The following ZFHX3 variants were observed in gnomAD, a reference collection of about 807,000 sequenced individuals.
The protein encoded by ZFHX3 is zinc finger homeobox 3, also known as zinc finger homeobox protein 3.
Under a neutral mutation model 279.1 loss-of-function variants are expected in ZFHX3, and 42 were observed. That is an observed-to-expected ratio of 0.15 (90% CI 0.12 to 0.19). The LOEUF (loss-of-function observed/expected upper bound fraction) is 0.19. ZFHX3 is among the 10% of genes least tolerant of loss of function. The probability of loss-of-function intolerance (pLI) is 1.00; values close to 1 mark genes in which losing one functional copy is unlikely to be tolerated. For synonymous variants in ZFHX3, 2,293 were observed against 1,957.8 expected (o/e 1.17, Z -4.52); for missense variants, 4,981 against 4,754.0 (o/e 1.05, Z -1.40).
chr16:73,880,764 A>G (rs1210477133), intron 1 of ZFHX3, among the ~76,000 whole-genome samples: 1 of 152,152 alleles, frequency 6.6e-6, no homozygotes, highest in Non-Finnish European at 1.5e-5. Flanking sequence ...TGCCTGGTCT[A>G]TTTATTTCTG....
intron 1 of ZFHX3, among the ~76,000 whole-genome samples, chr16:73,016,347 G>A (rs1964102904): frequency 6.6e-6 from 1 of 152,036 alleles, no homozygotes; most frequent in African/African-American, 2.4e-5. Context: ...TAGCACACAT[G>A]TACAAGGCGC....
At chr16:72,845,642 C>A (rs996317492) in intron 4 of ZFHX3, among the ~76,000 whole-genome samples, 1 of 152,128 alleles carries the variant, frequency 6.6e-6, no homozygotes, top group Non-Finnish European at 1.5e-5. Flanking sequence ...ATGTTCTGAC[C>A]GCAAAGCATC....
chr16:73,589,865 A>G (rs527587216), intron 2 of ZFHX3, among the ~76,000 whole-genome samples: 3 of 152,192 alleles, frequency 2.0e-5, no homozygotes, highest in Non-Finnish European at 4.4e-5. Context: ...ACTGAAAGTA[A>G]AATGAAACAA....
chr16:73,290,015 CCACACACACACACACACA>C (rs10564390), intron 4 of ZFHX3, among the ~76,000 whole-genome samples: 2 of 144,314 alleles, frequency 1.4e-5, no homozygotes, highest in South Asian at 2.3e-4. Context: ...AGAGAAATAA[CCACACACACACACACACA>C]CACACACACA....
intron 2 of ZFHX3, among the ~76,000 whole-genome samples, chr16:73,600,157 C>G (rs2052096602): frequency 6.6e-6 from 1 of 152,114 alleles, no homozygotes; most frequent in Non-Finnish European, 1.5e-5. Context: ...AAGTAACCTC[C>G]AAATCTGGAT....
chr16:73,731,791 G>T (rs926634234), intron 1 of ZFHX3, among the ~76,000 whole-genome samples: 3 of 152,054 alleles, frequency 2.0e-5, no homozygotes, highest in Admixed American at 6.6e-5. Context: ...CAGTAAGCAG[G>T]CATCATTTAG....
intron 1 of ZFHX3, among the ~76,000 whole-genome samples, chr16:73,697,604 T>C (rs1418653845): frequency 1.3e-5 from 2 of 152,216 alleles, no homozygotes; most frequent in African/African-American, 4.8e-5. Context: ...TTGTTTCATA[T>C]ACCCAAGAAT....
chr16:73,568,746 C>T lies in ZFHX3; in HGVS notation c.-1547+111434G>A, dbSNP rs531793008. Among the ~76,000 whole-genome samples, 8 of 152,276 alleles carry T rather than the reference C, an allele frequency of 5.3e-5. No individual in the cohort carries two copies. In the East Asian group the frequency reaches 1.5e-3, roughly 29 times the overall value. On this transcript the variant is annotated intron_variant, in intron 2 of 17. Coordinates refer to the ZFHX3 transcript ENST00000641206. ...TCTAGCCACAGGATCGAGCTGGCTT[C>T]AGAGCTTCCGGGGTCTCATCCTCTT...
At chr16:73,673,591 CT>C (rs1262792382) in intron 2 of ZFHX3, among the ~76,000 whole-genome samples, 1 of 91,590 alleles carries the variant, frequency 1.1e-5, no homozygotes, top group Non-Finnish European at 2.7e-5. Flanking sequence ...TCATGAGAAA[CT>C]AGACTATTTT....
At chr16:73,265,565 G>A (rs927652834) in intron 4 of ZFHX3, among the ~76,000 whole-genome samples, 1 of 152,138 alleles carries the variant, frequency 6.6e-6, no homozygotes, top group Non-Finnish European at 1.5e-5. Flanking sequence ...GAGCAAAGTG[G>A]TTTCACCCGT....
At chr16:73,665,192 T>A (rs191986499) in intron 2 of ZFHX3, among the ~76,000 whole-genome samples, 1 of 149,388 alleles carries the variant, frequency 6.7e-6, no homozygotes, top group East Asian at 2.0e-4. Context: ...GAAGAGATGA[T>A]CTTTCTGATC....
At chr16:72,887,589 T>C (rs888016764) in intron 4 of ZFHX3, among the ~76,000 whole-genome samples, 1 of 149,156 alleles carries the variant, frequency 6.7e-6, no homozygotes, top group Non-Finnish European at 1.5e-5. Context: ...AGTGCCTGTG[T>C]ATTTGTGGGT....
chr16:72,961,541 C>T (rs1283220758), intron 1 of ZFHX3, among the ~76,000 whole-genome samples: 2 of 152,202 alleles, frequency 1.3e-5, no homozygotes, highest in South Asian at 4.1e-4. Context: ...GCTGCTCCTC[C>T]ACCCACCATC....
chr16:72,804,534 CAT>C (rs2036205320), intron 7 of ZFHX3, among the ~76,000 whole-genome samples: 1 of 151,846 alleles, frequency 6.6e-6, no homozygotes, highest in African/African-American at 2.4e-5. Context: ...GGAGAGGTAA[CAT>C]ATAGGTTCAT....
At chr16:73,037,415 G>A (rs370148885) in intron 1 of ZFHX3, among the ~76,000 whole-genome samples, 4 of 152,186 alleles carry the variant, frequency 2.6e-5, no homozygotes, top group African/African-American at 4.8e-5. Context: ...TAGAAAAAGC[G>A]AAGAACCTGC....
chr16:73,597,051 C>T (rs1567529033), intron 2 of ZFHX3, among the ~76,000 whole-genome samples: 1 of 152,184 alleles, frequency 6.6e-6, no homozygotes, highest in Non-Finnish European at 1.5e-5. Context: ...TGTTCATCAC[C>T]ATATGTACTG....
chr16:73,425,726 A>G (rs1403980442), intron 3 of ZFHX3, among the ~76,000 whole-genome samples: 1 of 152,156 alleles, frequency 6.6e-6, no homozygotes, highest in East Asian at 1.9e-4. Flanking sequence ...CTGTGGGCAG[A>G]TCATAGAGAT....
chr16:73,309,906 C>CTTTTTTTTTTTTTTTT (rs57812149), intron 4 of ZFHX3, among the ~76,000 whole-genome samples: 1 of 114,406 alleles, frequency 8.7e-6, no homozygotes, highest in Non-Finnish European at 1.8e-5. Context: ...TTTTTCTTGC[C>CTTTTTTTTTTTTTTTT]TTTTTTTTTT....
At chr16:73,243,927 G>A (rs962513905) in intron 5 of ZFHX3, among the ~76,000 whole-genome samples, 1 of 152,352 alleles carries the variant, frequency 6.6e-6, no homozygotes, top group South Asian at 2.1e-4. Context: ...TGGAGGTTCA[G>A]AGATGGTAGA....
Sources: gnomAD v4.1 joint callset for allele counts (sites outside exome capture counted in the v4.1 genomes callset) on GRCh38, gnomAD v4.1.1 for gene constraint, MANE v1.5 for transcripts, NCBI Gene and HGNC (gene_info 2026-07-23, HGNC 2026-07-21) for gene names.